The following CNGB3 variants were observed in gnomAD, a reference collection of about 807,000 sequenced individuals.
The protein encoded by CNGB3 is cyclic nucleotide-gated channel beta-3.
Under a neutral mutation model 92.8 loss-of-function variants are expected in CNGB3, and 86 were observed. The ratio of observed to expected loss-of-function variants is 0.93; its 90% CI spans 0.78 to 1.11. The LOEUF (loss-of-function observed/expected upper bound fraction) is 1.11. Ranked by LOEUF, CNGB3 falls within the 50% of genes least tolerant of loss-of-function variation. The pLI is 0.00. For synonymous variants in CNGB3, 333 were observed against 332.7 expected, an observed-to-expected ratio of 1.00 and a Z score of -0.01; for missense variants, 1,026 against 956.8, an observed-to-expected ratio of 1.07 and a Z score of -0.95.
chr8:86,607,843 A>C (rs1361848845), intron 14 of CNGB3, among the ~76,000 whole-genome samples: 1 of 152,158 alleles, frequency 6.6e-6, no homozygotes, highest in East Asian at 1.9e-4. Context: ...CCTCAAATTG[A>C]ACGTATTTTT....
intron 10 of CNGB3, among the ~76,000 whole-genome samples, chr8:86,637,850 GA>G (rs1312093691): frequency 6.6e-6 from 1 of 152,098 alleles, no homozygotes; most frequent in Non-Finnish European, 1.5e-5. Flanking sequence ...CATCACTTTA[GA>G]AAGTTCTCTC....
intron 14 of CNGB3, among the ~76,000 whole-genome samples, chr8:86,607,463 C>A (rs1822432702): frequency 6.6e-6 from 1 of 152,134 alleles, no homozygotes; most frequent in Non-Finnish European, 1.5e-5. Context: ...GAAGCTATTT[C>A]TAAGGCTCAT....
At chr8:86,649,006 T>C (rs1823346389) in intron 7 of CNGB3, among the ~76,000 whole-genome samples, 1 of 151,196 alleles carries the variant, frequency 6.6e-6, no homozygotes, top group Non-Finnish European at 1.5e-5. Context: ...TATACACCAA[T>C]ACACATACAA....
At chr8:86,690,472 G>C (rs1235903794) in intron 3 of CNGB3, among the ~76,000 whole-genome samples, 1 of 152,118 alleles carries the variant, frequency 6.6e-6, no homozygotes, top group Admixed American at 6.5e-5. Context: ...TTTGTCAGAT[G>C]AGTAGATTGC....
intron 3 of CNGB3, among the ~76,000 whole-genome samples, chr8:86,699,256 T>C (rs1226962415): frequency 6.6e-6 from 1 of 152,118 alleles, no homozygotes; most frequent in Non-Finnish European, 1.5e-5. Context: ...ACAGAATTTT[T>C]AACTCTTCTT....
intron 1 of CNGB3, among the ~76,000 whole-genome samples, chr8:86,740,870 T>C (rs1210236783): frequency 1.3e-5 from 2 of 152,158 alleles, no homozygotes; most frequent in Non-Finnish European, 2.9e-5. Flanking sequence ...CCAGGACTAT[T>C]TATAAACAGT....
At chr8:86,661,547 C>A in intron 6 of CNGB3, 1 of 704,320 alleles carries the variant, frequency 1.4e-6, no homozygotes, top group Non-Finnish European at 2.7e-6. Context: ...TTGAGTCTTC[C>A]TAATTTTCTC....
Position 86,575,748 on chromosome 8 carries a change from C to A in CNGB3, c.*56G>T. 1 of 1,501,452 alleles carries A rather than the reference C, an allele frequency of 6.7e-7. No homozygotes were observed. The highest frequency in any genetic ancestry group is 1.1e-5 in the South Asian group (1 of 87,258). The allele number at this position is 1,501,452 out of a possible 1,614,324, so 93.0% of individuals were successfully genotyped here. On this transcript the variant is annotated 3_prime_UTR_variant, in exon 18 of 18. Transcript: ENST00000320005. ...TCCCCTCGTTAATTTAAGTTACAAT[C>A]CTAGGTACAATCACTTTGGGAACTA... is the stretch of plus-strand genomic sequence containing the variant.
intron 15 of CNGB3, among the ~76,000 whole-genome samples, chr8:86,599,560 A>T (rs532621300): frequency 2.0e-5 from 3 of 152,308 alleles, no homozygotes; most frequent in Admixed American, 6.5e-5. Flanking sequence ...TTTTCTCAGC[A>T]AGGAACATCC....
intron 3 of CNGB3, among the ~76,000 whole-genome samples, chr8:86,724,199 T>G (rs756124091): frequency 2.0e-5 from 3 of 152,188 alleles, no homozygotes; most frequent in Non-Finnish European, 2.9e-5. Context: ...AAAAAAAGTC[T>G]TCTGGATTTA....
chr8:86,649,409 C>A (rs935173202), intron 7 of CNGB3, among the ~76,000 whole-genome samples: 1 of 150,700 alleles, frequency 6.6e-6, no homozygotes, highest in Admixed American at 6.6e-5. Flanking sequence ...CACTACCAGA[C>A]TTATAGTTAG....
intron 3 of CNGB3, among the ~76,000 whole-genome samples, chr8:86,693,898 C>G (rs887520256): frequency 6.8e-6 from 1 of 146,012 alleles, no homozygotes; most frequent in East Asian, 2.3e-4. Context: ...CCCCACCCTT[C>G]CCCCCCTCTC....
intron 6 of CNGB3, among the ~76,000 whole-genome samples, chr8:86,665,637 A>G (rs750765793): frequency 4.6e-5 from 7 of 152,196 alleles, no homozygotes; most frequent in Non-Finnish European, 1.0e-4. Flanking sequence ...AAGCAAATTA[A>G]TGCAGGAACA....
At chr8:86,742,569 C>T (rs1825361342) in intron 1 of CNGB3, among the ~76,000 whole-genome samples, 1 of 152,166 alleles carries the variant, frequency 6.6e-6, no homozygotes, top group East Asian at 1.9e-4. Flanking sequence ...CCTGCTTGTA[C>T]TTGTCATCTC....
intron 3 of CNGB3, among the ~76,000 whole-genome samples, chr8:86,714,403 T>C (rs934371720): frequency 6.6e-6 from 1 of 152,206 alleles, no homozygotes; most frequent in East Asian, 1.9e-4. Context: ...CAAGAGATTC[T>C]AGTATTTTAA....
At chr8:86,695,174 CAATCGCA>C (rs1351281114) in intron 3 of CNGB3, among the ~76,000 whole-genome samples, 2 of 152,040 alleles carry the variant, frequency 1.3e-5, no homozygotes, top group Non-Finnish European at 2.9e-5. Flanking sequence ...GTGGCGCCTG[CAATCGCA>C]GGCACTCGGC....
At chr8:86,678,686 A>G (rs1276385740) in intron 3 of CNGB3, among the ~76,000 whole-genome samples, 2 of 152,150 alleles carry the variant, frequency 1.3e-5, no homozygotes, top group Non-Finnish European at 1.5e-5. Context: ...ATCATATTCT[A>G]TTGTCCCAAA....
At chr8:86,627,710 A>C (rs185919089) in intron 12 of CNGB3, among the ~76,000 whole-genome samples, 41 of 152,286 alleles carry the variant, frequency 2.7e-4, no homozygotes, top group African/African-American at 9.4e-4. Flanking sequence ...ATAGTGGTAT[A>C]GTTGTAGACA....
intron 3 of CNGB3, among the ~76,000 whole-genome samples, chr8:86,695,033 G>C (rs936263482): frequency 6.6e-6 from 1 of 152,226 alleles, no homozygotes; most frequent in Admixed American, 6.5e-5. Flanking sequence ...ACGAGACTCC[G>C]TCTGCAATCC....
Sources: gnomAD v4.1 joint callset for allele counts (sites outside exome capture counted in the v4.1 genomes callset) on GRCh38, gnomAD v4.1.1 for gene constraint, MANE v1.5 for transcripts, NCBI Gene and HGNC (gene_info 2026-07-23, HGNC 2026-07-21) for gene names.